Variants in EPHA5 observed in about 807,000 individuals in gnomAD.
The protein encoded by EPHA5 is ephrin type-A receptor 5.
In EPHA5, 60 loss-of-function variants were observed where a neutral mutation model predicts 105.0. That is an observed-to-expected ratio of 0.57 (90% CI 0.46 to 0.71). The LOEUF (loss-of-function observed/expected upper bound fraction) is 0.71. EPHA5 is among the 30% of genes least tolerant of loss of function. EPHA5 has a pLI of 0.00. For synonymous variants in EPHA5, 513 were observed against 449.1 expected, an observed-to-expected ratio of 1.14 and a Z score of -1.80; for missense variants, 1,218 against 1,274.7, an observed-to-expected ratio of 0.96 and a Z score of 0.68.
In EPHA5 at chr4:65,669,411, G is replaced by T. The variant is rs192820709; in HGVS notation, c.181+151C>A. 70 of 1,242,054 alleles carry T rather than the reference G, an allele frequency of 5.6e-5. No homozygotes were observed. The East Asian group carries it at 2.1e-3, about 37-fold the overall frequency. The allele number at this position is 1,242,054 out of a possible 1,614,324, so 76.9% of individuals were successfully genotyped here. ...CAAAAACCGCAGAGGGGAGCGAAAA[G>T]GCCAGTGGAAGGGGACGACAAATAC... On this transcript the variant is annotated intron_variant, in intron 1 of 16. Coordinates refer to ENST00000613740, the MANE Select transcript of EPHA5 (RefSeq NM_001281766.3).
intron 16 of EPHA5, chr4:65,331,514 G>A (rs1455007988): frequency 3.8e-6 from 4 of 1,053,606 alleles, no homozygotes; most frequent in Non-Finnish European, 4.6e-6. Flanking sequence ...TCCTGCCAGG[G>A]AAGCTTTGTT....
intron 5 of EPHA5, among the ~76,000 whole-genome samples, chr4:65,449,499 C>T (rs1402703725): frequency 1.3e-5 from 2 of 152,038 alleles, no homozygotes; most frequent in Admixed American, 1.3e-4. Context: ...CAAAGATTGT[C>T]ATAGAACAAG....
intron 13 of EPHA5, among the ~76,000 whole-genome samples, chr4:65,348,688 AT>A (rs1560437800): frequency 1.8e-4 from 10 of 55,636 alleles, no homozygotes; most frequent in Non-Finnish European, 2.8e-4. Flanking sequence ...ATATATATAT[AT>A]ATATATATAA....
At chr4:65,498,541 C>T (rs1165394468) in intron 3 of EPHA5, among the ~76,000 whole-genome samples, 1 of 151,850 alleles carries the variant, frequency 6.6e-6, no homozygotes, top group East Asian at 1.9e-4. Context: ...TGTCACTTAA[C>T]CAGAGTGGTT....
intron 5 of EPHA5, among the ~76,000 whole-genome samples, chr4:65,457,024 A>G (rs1180881476): frequency 1.3e-5 from 2 of 152,114 alleles, no homozygotes; most frequent in African/African-American, 4.8e-5. Context: ...CTAAAAAGAC[A>G]GAAATGATAA....
intron 13 of EPHA5, among the ~76,000 whole-genome samples, chr4:65,348,652 C>T (rs1361602889): frequency 1.3e-5 from 1 of 79,606 alleles, no homozygotes; most frequent in Non-Finnish European, 2.4e-5. Flanking sequence ...AAAGCATAAA[C>T]ATTGGAGATA....
In EPHA5 at chr4:65,345,412, C is replaced by T. The variant is rs932156409; in HGVS notation, c.2595+2642G>A. 3.3e-5 allele frequency among the ~76,000 whole-genome samples: 5 copies of T among 152,202 alleles called. No homozygotes were observed. The East Asian group carries it at 7.7e-4, about 23-fold the overall frequency. ...TTCGTGGGAAAGCTGATGTGTGACC[C>T]TGGCTTTTCTTCTGGGGAAATTTGA... On this transcript the variant is annotated intron_variant, in intron 14 of 16. Transcript: ENST00000613740.
intron 2 of EPHA5, among the ~76,000 whole-genome samples, chr4:65,613,126 T>C (rs1014498948): frequency 2.0e-5 from 3 of 152,106 alleles, no homozygotes; most frequent in East Asian, 1.9e-4. Flanking sequence ...ATTTATTGAA[T>C]AGGGTGTCCT....
chr4:65,503,877 A>G (rs2149246069), intron 3 of EPHA5, among the ~76,000 whole-genome samples: 1 of 149,788 alleles, frequency 6.7e-6, no homozygotes, highest in African/African-American at 2.4e-5. Context: ...AAAGTCATTC[A>G]AGACAATTTT....
intron 5 of EPHA5, among the ~76,000 whole-genome samples, chr4:65,477,671 C>T (rs1405781443): frequency 6.6e-6 from 1 of 152,072 alleles, no homozygotes; most frequent in Non-Finnish European, 1.5e-5. Flanking sequence ...CCTCGGCCTC[C>T]CAAAGTGCTG....
intron 8 of EPHA5, among the ~76,000 whole-genome samples, chr4:65,388,883 C>T (rs966445736): frequency 6.6e-6 from 1 of 151,796 alleles, no homozygotes; most frequent in East Asian, 1.9e-4. Context: ...GCATGAAGTC[C>T]TTGCCCATGC....
At chr4:65,345,599 T>C (rs1032409688) in intron 14 of EPHA5, among the ~76,000 whole-genome samples, 1 of 152,112 alleles carries the variant, frequency 6.6e-6, no homozygotes, top group Non-Finnish European at 1.5e-5. Flanking sequence ...CTATGGAAAG[T>C]CGGAGGACAT....
intron 13 of EPHA5, among the ~76,000 whole-genome samples, chr4:65,350,751 G>A (rs987208222): frequency 5.3e-5 from 8 of 151,948 alleles, no homozygotes; most frequent in African/African-American, 1.9e-4. Context: ...AAAGAGTTTT[G>A]ACTTCTGTGA....
At chr4:65,402,307 C>T (rs893882323) in intron 8 of EPHA5, among the ~76,000 whole-genome samples, 2 of 151,894 alleles carry the variant, frequency 1.3e-5, no homozygotes, top group Non-Finnish European at 2.9e-5. Flanking sequence ...GTGTGAGAAC[C>T]GATACAAAGT....
intron 3 of EPHA5, among the ~76,000 whole-genome samples, chr4:65,507,546 G>C (rs559105536): frequency 6.6e-6 from 1 of 152,090 alleles, no homozygotes; most frequent in Non-Finnish European, 1.5e-5. Flanking sequence ...ATTTCATTGA[G>C]CAGTGGTTTG....
At chr4:65,333,677 T>G (rs1296261141) in intron 15 of EPHA5, among the ~76,000 whole-genome samples, 1 of 150,598 alleles carries the variant, frequency 6.6e-6, no homozygotes, top group African/African-American at 2.4e-5. Context: ...GGCCCTATAT[T>G]TTTCTATTTA....
At chr4:65,526,318 A>G (rs1735223144) in intron 3 of EPHA5, among the ~76,000 whole-genome samples, 1 of 151,834 alleles carries the variant, frequency 6.6e-6, no homozygotes, top group Admixed American at 6.6e-5. Context: ...TCCAACCACA[A>G]ATAGTTCAAG....
chr4:65,507,238 G>T (rs567953456), intron 3 of EPHA5, among the ~76,000 whole-genome samples: 365 of 152,112 alleles, frequency 2.4e-3, no homozygotes, highest in African/African-American at 8.4e-3. Flanking sequence ...CTCTGTTTTG[G>T]TACCAGTACC....
At chr4:65,351,346 G>A (rs1357717448) in intron 13 of EPHA5, 43 bp downstream of exon 13, 1 of 1,501,260 alleles carries the variant, frequency 6.7e-7, no homozygotes, top group South Asian at 1.2e-5. Flanking sequence ...AAAAATAAAT[G>A]GCTCTGGTCT....
Sources: allele counts gnomAD v4.1 joint callset (sites outside exome capture counted in the v4.1 genomes callset), GRCh38; gene constraint gnomAD v4.1.1; transcripts MANE v1.5; gene names NCBI Gene and HGNC (gene_info 2026-07-23, HGNC 2026-07-21).